Variants in PDE10A observed in about 807,000 individuals in gnomAD.
PDE10A encodes the protein phosphodiesterase 10A, also known as cAMP and cAMP-inhibited cGMP 3',5'-cyclic phosphodiesterase 10A.
Under a neutral mutation model 97.7 loss-of-function variants are expected in PDE10A, and 39 were observed. The observed-to-expected ratio is 0.40, with a 90% CI of 0.31 to 0.52. The LOEUF (loss-of-function observed/expected upper bound fraction) is 0.52. Among genes scored for constraint, PDE10A ranks in the 20% least tolerant of loss-of-function variants. The probability of loss-of-function intolerance (pLI) is 0.56; values close to 1 mark genes in which losing one functional copy is unlikely to be tolerated. For synonymous variants in PDE10A, 371 were observed against 376.8 expected (o/e 0.98, Z 0.18); for missense variants, 731 against 1,047.8 (o/e 0.70, Z 4.17).
At chr6:165,859,459 CTTTA>C (rs1032805930) in intron 1 of PDE10A, among the ~76,000 whole-genome samples, 6 of 152,186 alleles carry the variant, frequency 3.9e-5, no homozygotes, top group Non-Finnish European at 5.9e-5. Context: ...TTGGGGGCCA[CTTTA>C]TTTATTTATT....
At chr6:165,485,742 G>A (rs534349580) in intron 2 of PDE10A, among the ~76,000 whole-genome samples, 7 of 151,890 alleles carry the variant, frequency 4.6e-5, no homozygotes, top group South Asian at 4.2e-4. Flanking sequence ...GCAGGCGCCC[G>A]CCACCATGCC....
chr6:165,781,903 T>G (rs1778350319), intron 1 of PDE10A: 1 of 152,256 alleles, frequency 6.6e-6, no homozygotes, highest in Non-Finnish European at 1.5e-5. Flanking sequence ...GAGACTTGTG[T>G]TGTTCTTCTA....
chr6:165,922,537 T>C (rs556273834), intron 1 of PDE10A, among the ~76,000 whole-genome samples: 1 of 152,334 alleles, frequency 6.6e-6, no homozygotes, highest in African/African-American at 2.4e-5. Flanking sequence ...AAATGACTCA[T>C]TTCCTTTTTT....
chr6:165,979,080 T>TA (rs1189411575), intron 1 of PDE10A, among the ~76,000 whole-genome samples: 5 of 152,098 alleles, frequency 3.3e-5, no homozygotes, highest in African/African-American at 1.2e-4. Context: ...CAAGAGGACA[T>TA]AAACCGGTTT....
chr6:165,442,404 T>C (rs945461426), intron 5 of PDE10A, among the ~76,000 whole-genome samples: 1 of 152,116 alleles, frequency 6.6e-6, no homozygotes, highest in African/African-American at 2.4e-5. Context: ...TTTGGTTTAA[T>C]TGACTCACAG....
chr6:165,927,197 G>T (rs1036331365), intron 1 of PDE10A, among the ~76,000 whole-genome samples: 3 of 151,912 alleles, frequency 2.0e-5, no homozygotes, highest in African/African-American at 4.8e-5. Flanking sequence ...GCACATGTAC[G>T]CCAGAACGTA....
chr6:165,544,574 TAAA>T (rs58985507), intron 1 of PDE10A, among the ~76,000 whole-genome samples: 38 of 134,416 alleles, frequency 2.8e-4, no homozygotes, highest in African/African-American at 2.9e-4. Flanking sequence ...ATGGTTAGGT[TAAA>T]AAAAAAAAAA....
At chr6:165,421,561 A>G (rs1306701761) in intron 10 of PDE10A, among the ~76,000 whole-genome samples, 1 of 152,276 alleles carries the variant, frequency 6.6e-6, no homozygotes, top group Non-Finnish European at 1.5e-5. Flanking sequence ...AGTCCATATT[A>G]TACCAAACGG....
intron 1 of PDE10A, among the ~76,000 whole-genome samples, chr6:165,969,664 G>T (rs1425290908): frequency 6.6e-6 from 1 of 152,130 alleles, no homozygotes; most frequent in African/African-American, 2.4e-5. Flanking sequence ...AAATGTATTT[G>T]TATATGTATA....
At chr6:165,821,497 C>G (rs1779568559) in intron 1 of PDE10A, among the ~76,000 whole-genome samples, 1 of 151,852 alleles carries the variant, frequency 6.6e-6, no homozygotes, top group African/African-American at 2.4e-5. Flanking sequence ...TGATGCTCCT[C>G]TGTTCAACTT....
chr6:165,492,502 G>C (rs973941267), intron 2 of PDE10A, among the ~76,000 whole-genome samples: 5 of 152,144 alleles, frequency 3.3e-5, no homozygotes, highest in African/African-American at 9.7e-5. Context: ...AATCCTCCAT[G>C]ATCAAGTGGG....
At chr6:165,895,708 C>T (rs921406436) in intron 1 of PDE10A, among the ~76,000 whole-genome samples, 10 of 152,182 alleles carry the variant, frequency 6.6e-5, no homozygotes, top group Non-Finnish European at 1.3e-4. Context: ...ACCCCTAGTT[C>T]CTGCTCTCAT....
intron 1 of PDE10A, among the ~76,000 whole-genome samples, chr6:165,929,820 G>A (rs1469978632): frequency 6.6e-6 from 1 of 152,150 alleles, no homozygotes; most frequent in Non-Finnish European, 1.5e-5. Context: ...CAGGTGGGAA[G>A]AGTGTGCTCC....
At chr6:165,923,959 T>C (rs924125984) in intron 1 of PDE10A, among the ~76,000 whole-genome samples, 1 of 152,210 alleles carries the variant, frequency 6.6e-6, no homozygotes, top group Non-Finnish European at 1.5e-5. Flanking sequence ...GGCAGGAGGA[T>C]TGCTGGAGGC....
Position 165,418,040 on chromosome 6 carries a change from G to A in PDE10A, c.1796+595C>T, listed in dbSNP as rs148296153. On this transcript the variant is annotated intron_variant, in intron 11 of 21. Transcript: ENST00000539869. The surrounding 1 kb of genome is among the most constrained non-coding windows in gnomAD (Gnocchi z 4.8). ...TTGTGTAGGTTTCCAGGTGCGATAT[G>A]AGCAAGCCCCCATGCCTCCATCAAC... Among the ~76,000 whole-genome samples the A allele has an allele frequency of 1.1e-4, 16 of 152,240 alleles. No homozygotes were observed. Among genetic ancestry groups the A allele is most frequent in the African/African-American group, 3.1e-4 (13 of 41,544 alleles).
chr6:165,584,269 TGACCCC>T (rs1351293856), intron 1 of PDE10A, among the ~76,000 whole-genome samples: 2 of 152,224 alleles, frequency 1.3e-5, no homozygotes, highest in South Asian at 2.1e-4. Context: ...CAGGCTTCCC[TGACCCC>T]TGGGCCAGTC....
intron 1 of PDE10A, among the ~76,000 whole-genome samples, chr6:165,807,242 C>T (rs113598188): frequency 1.1e-4 from 16 of 148,382 alleles, no homozygotes; most frequent in African/African-American, 3.7e-4. Context: ...GATGTGGACA[C>T]GCCTGCATAT....
chr6:165,649,992 G>A (rs567938750), intron 1 of PDE10A, among the ~76,000 whole-genome samples: 4 of 152,282 alleles, frequency 2.6e-5, no homozygotes, highest in Non-Finnish European at 5.9e-5. Context: ...CGTCAGAAAA[G>A]AGCTGATAAG....
chr6:165,784,518 A>G (rs1202287444), intron 1 of PDE10A, among the ~76,000 whole-genome samples: 2 of 152,350 alleles, frequency 1.3e-5, no homozygotes, highest in Non-Finnish European at 2.9e-5. Context: ...TTTCTATTTT[A>G]AGAGCAGTTA....
Sources: allele counts gnomAD v4.1 joint callset (sites outside exome capture counted in the v4.1 genomes callset), GRCh38; gene constraint gnomAD v4.1.1; non-coding constraint Gnocchi (gnomAD v3.1); transcripts MANE v1.5; gene names NCBI Gene and HGNC (gene_info 2026-07-23, HGNC 2026-07-21).